Variants in TENM3 observed in about 807,000 individuals in gnomAD.
The protein encoded by TENM3 is teneurin transmembrane protein 3.
Under a neutral mutation model 255.1 loss-of-function variants are expected in TENM3, and 63 were observed. That is an observed-to-expected ratio of 0.25 (90% CI 0.20 to 0.30). TENM3 has a LOEUF of 0.30. Among genes scored for constraint, TENM3 ranks in the 10% least tolerant of loss-of-function variants. The probability of loss-of-function intolerance (pLI) is 1.00; values close to 1 mark genes in which losing one functional copy is unlikely to be tolerated. For missense variants in TENM3, 2,929 were observed against 3,461.1 expected (o/e 0.85, Z 3.86); for synonymous variants, 1,306 against 1,322.3 (o/e 0.99, Z 0.27).
At chr4:182,220,725 T>C (rs570357103) in intron 1 of TENM3, among the ~76,000 whole-genome samples, 1 of 152,340 alleles carries the variant, frequency 6.6e-6, no homozygotes, top group East Asian at 1.9e-4. Flanking sequence ...TATTGTATAA[T>C]TACCTAAGAA....
At chr4:182,462,437 C>T (rs1247689469) in intron 3 of TENM3, among the ~76,000 whole-genome samples, 1 of 151,410 alleles carries the variant, frequency 6.6e-6, no homozygotes, top group African/African-American at 2.4e-5. Flanking sequence ...GATGGTAAAT[C>T]CCAGGTCAGA....
the TENM3 span, among the ~76,000 whole-genome samples, chr4:182,022,621 A>G: frequency 7.2e-5 from 11 of 152,074 alleles, no homozygotes; most frequent in Non-Finnish European, 1.3e-4. Flanking sequence ...CTCTAAAAAT[A>G]TATTTAGCTT....
At chr4:181,876,417 T>C in the TENM3 span, among the ~76,000 whole-genome samples, 4 of 152,184 alleles carry the variant, frequency 2.6e-5, no homozygotes, top group Non-Finnish European at 1.5e-5. Flanking sequence ...AGATTCAAAC[T>C]GTTAGTCAGA....
intron 24 of TENM3, among the ~76,000 whole-genome samples, chr4:182,779,807 C>T (rs946980803): frequency 6.6e-6 from 1 of 152,156 alleles, no homozygotes; most frequent in South Asian, 2.1e-4. Context: ...CTCTGATGTC[C>T]AGTGATGATG....
intron 6 of TENM3, among the ~76,000 whole-genome samples, chr4:182,670,955 C>G (rs1755151024): frequency 1.3e-5 from 2 of 152,252 alleles, no homozygotes; most frequent in South Asian, 4.1e-4. Context: ...ATATATACAT[C>G]TTCAGGGAAA....
At chr4:182,285,844 C>A (rs1441253016) in intron 1 of TENM3, among the ~76,000 whole-genome samples, 1 of 150,512 alleles carries the variant, frequency 6.6e-6, no homozygotes, top group East Asian at 1.9e-4. Context: ...ACCAAAACCA[C>A]TAACCATAAA....
the TENM3 span, among the ~76,000 whole-genome samples, chr4:181,520,483 G>A: frequency 6.6e-6 from 1 of 152,080 alleles, no homozygotes; most frequent in Non-Finnish European, 1.5e-5. Flanking sequence ...GCACATGACT[G>A]AAAGACAGTT....
the TENM3 span, among the ~76,000 whole-genome samples, chr4:181,637,875 T>C: frequency 6.6e-6 from 1 of 152,168 alleles, no homozygotes; most frequent in Non-Finnish European, 1.5e-5. Context: ...AATAAATAAT[T>C]TCTGAGTGAA....
At chr4:182,431,319 C>T (rs1396438030) in intron 3 of TENM3, among the ~76,000 whole-genome samples, 1 of 151,742 alleles carries the variant, frequency 6.6e-6, no homozygotes, top group Non-Finnish European at 1.5e-5. Flanking sequence ...CATGGTGAAA[C>T]CCCATCTCTA....
intron 1 of TENM3, among the ~76,000 whole-genome samples, chr4:182,310,435 T>A (rs913021732): frequency 5.9e-5 from 9 of 152,176 alleles, no homozygotes; most frequent in African/African-American, 2.2e-4. Context: ...GGAGGCAGGC[T>A]TTCTCCAAAT....
chr4:181,525,398 A>G, the TENM3 span, among the ~76,000 whole-genome samples: 1 of 31,768 alleles, frequency 3.1e-5, no homozygotes, highest in Non-Finnish European at 6.6e-5. Context: ...CCCTGTTTCA[A>G]AAAAAAAAAA....
chr4:181,505,435 A>C, the TENM3 span, among the ~76,000 whole-genome samples: 1 of 152,322 alleles, frequency 6.6e-6, no homozygotes, highest in South Asian at 2.1e-4. Context: ...TTTTCTTTGA[A>C]CAACTGTTGA....
At chr4:181,609,162 T>C in the TENM3 span, among the ~76,000 whole-genome samples, 1 of 152,124 alleles carries the variant, frequency 6.6e-6, no homozygotes, top group Non-Finnish European at 1.5e-5. Flanking sequence ...GTGAAGGAAG[T>C]GCTGAAACAG....
chr4:182,001,319 G>A, the TENM3 span, among the ~76,000 whole-genome samples: 2 of 151,954 alleles, frequency 1.3e-5, no homozygotes, highest in African/African-American at 2.4e-5. Flanking sequence ...GTGGTCTTTC[G>A]AAATTCTCAT....
At chr4:181,862,571 A>G in the TENM3 span, among the ~76,000 whole-genome samples, 31 of 152,164 alleles carry the variant, frequency 2.0e-4, no homozygotes, top group Non-Finnish European at 3.1e-4. Context: ...TATGAGAAGC[A>G]AGACAAAAAG....
At chr4:182,660,207 GT>G (rs1226221944) in intron 6 of TENM3, among the ~76,000 whole-genome samples, 1 of 152,188 alleles carries the variant, frequency 6.6e-6, no homozygotes, top group Admixed American at 6.5e-5. Flanking sequence ...TTTCACTGCT[GT>G]ATACCAAGCT....
At chr4:181,875,364 T>C in the TENM3 span, among the ~76,000 whole-genome samples, 12 of 152,126 alleles carry the variant, frequency 7.9e-5, no homozygotes, top group South Asian at 2.5e-3. Context: ...TCATTAGTTT[T>C]TCATATTCAG....
At chr4:182,731,603 G>T (rs1028690134) in intron 16 of TENM3, among the ~76,000 whole-genome samples, 5 of 151,252 alleles carry the variant, frequency 3.3e-5, no homozygotes, top group Non-Finnish European at 7.4e-5. Context: ...CTCAAAAAAA[G>T]ACAAAAACAA....
the TENM3 span, chr4:181,821,585 A>G: frequency 1.3e-5 from 2 of 152,246 alleles, no homozygotes; most frequent in African/African-American, 4.8e-5. Flanking sequence ...TGTATTTGCC[A>G]AGAAGTCTGC....
Sources: gnomAD v4.1 joint callset for allele counts (sites outside exome capture counted in the v4.1 genomes callset) on GRCh38, gnomAD v4.1.1 for gene constraint, MANE v1.5 for transcripts, NCBI Gene and HGNC (gene_info 2026-07-23, HGNC 2026-07-21) for gene names.